The following PEX1 variants were observed in gnomAD, a reference collection of about 807,000 sequenced individuals.
PEX1 encodes peroxisomal biogenesis factor 1.
Under a neutral mutation model 152.5 loss-of-function variants are expected in PEX1, and 97 were observed. The observed-to-expected ratio is 0.64, with a 90% CI of 0.54 to 0.75. The LOEUF (loss-of-function observed/expected upper bound fraction) is 0.75, where lower values mean the gene tolerates loss of function less well. Ranked by LOEUF, PEX1 falls within the 30% of genes least tolerant of loss-of-function variation. The pLI is 0.00. For synonymous variants in PEX1, 485 were observed against 531.6 expected (o/e 0.91, Z 1.21); for missense variants, 1,357 against 1,516.3 (o/e 0.89, Z 1.74).
intron 3 of PEX1, 66 bp downstream of exon 3, chr7:92,518,929 T>C: frequency 8.9e-7 from 1 of 1,125,812 alleles, no homozygotes; most frequent in East Asian, 2.3e-5. Context: ...TAGAGAAAGC[T>C]AAAGACATTG....
chr7:92,509,642 T>G (rs1792361353), intron 8 of PEX1, among the ~76,000 whole-genome samples: 1 of 152,212 alleles, frequency 6.6e-6, no homozygotes, highest in Admixed American at 6.5e-5. Context: ...ATTTTACAGG[T>G]ATATTTTTAT....
At chr7:92,513,037 T>C (rs1562862288) in intron 6 of PEX1, among the ~76,000 whole-genome samples, 1 of 152,208 alleles carries the variant, frequency 6.6e-6, no homozygotes, top group Non-Finnish European at 1.5e-5. Flanking sequence ...GCTACAATAT[T>C]AATACTGAAA....
Position 92,487,516 on chromosome 7 carries a change from T to C in PEX1, c.3793A>G (p.Arg1265Gly), listed in dbSNP as rs959756490. The C allele has an allele frequency of 6.3e-7, 1 of 1,588,566 alleles. No homozygotes were observed. The highest frequency in any genetic ancestry group is 1.3e-5 in the African/African-American group (1 of 74,486). Residue 1265 changes from arginine to glycine, a missense_variant, in exon 24 of 24, where the codon AGG (arginine) becomes GGG (glycine). Transcript: ENST00000248633. ...ATTGTTCCACTTTGATTTTTTCTCC[T>C]CTTTGGATTTTGAAAGCTTTCATAT... is the stretch of plus-strand genomic sequence containing the variant. ...ELYESFQNPK[R>G]RKNQSGTMFR...
intron 23 of PEX1, among the ~76,000 whole-genome samples, chr7:92,488,202 G>C (rs1791042432): frequency 6.6e-6 from 1 of 152,186 alleles, no homozygotes; most frequent in African/African-American, 2.4e-5. Context: ...ATAGCAATAT[G>C]TACAGACTGT....
At position 92,518,005 on chromosome 7, in the gene PEX1, T is replaced by A; in HGVS notation, c.510A>T (p.Glu170Asp). 8 of 1,614,150 alleles carry A rather than the reference T, an allele frequency of 5.0e-6. No individual in the cohort carries two copies. Among genetic ancestry groups the A allele is most frequent in the Non-Finnish European group, 6.8e-6 (8 of 1,180,020 alleles). ...GCTGAATAAGGAGTTTGGTGTCAGT[T>A]TCCAGCCTTCCATAAGAGGCAGCTG... ...LIPAASYGRL[E>D]TDTKLLIQPK... Residue 170 changes from glutamate (E) to aspartate (D), a missense_variant, in exon 5 of 24, where the codon GAA becomes GAT. Transcript: ENST00000248633.
chr7:92,503,767 G>T (rs564986981), intron 12 of PEX1, among the ~76,000 whole-genome samples: 2 of 152,196 alleles, frequency 1.3e-5, no homozygotes, highest in Admixed American at 6.5e-5. Context: ...TGTAAGATTA[G>T]TAACACCAGT....
Position 92,487,561 on chromosome 7 carries a change from AT to A in PEX1, c.3768-21del. On this transcript the variant is annotated intron_variant, in intron 23 of 23. Transcript: ENST00000248633. Reference sequence around the variant, plus strand: ...TCATATCTGAAAAAAGAAAGAGATAATTTAATATGTATAAATACTACCATTA... The same window carrying A: ...TCATATCTGAAAAAAGAAAGAGATAATTAATATGTATAAATACTACCATTA... 6 of 1,179,496 alleles carry A rather than the reference AT, an allele frequency of 5.1e-6. No individual in the cohort carries two copies. The highest frequency in any genetic ancestry group is 7.6e-6 in the Non-Finnish European group (6 of 789,708). The allele number at this position is 1,179,496 out of a possible 1,614,324, so 73.1% of individuals were successfully genotyped here.
At chr7:92,513,530 A>C (rs1182636419) in intron 6 of PEX1, among the ~76,000 whole-genome samples, 1 of 152,144 alleles carries the variant, frequency 6.6e-6, no homozygotes, top group Non-Finnish European at 1.5e-5. Context: ...TATACATTAG[A>C]GATTACCAGG....
Position 92,489,786 on chromosome 7 carries a change from A to G in PEX1, c.3564T>C (p.Leu1188=). 1 of 1,614,098 alleles carries G rather than the reference A, an allele frequency of 6.2e-7. No homozygotes were observed. Among genetic ancestry groups the G allele is most frequent in the Non-Finnish European group, 8.5e-7 (1 of 1,179,988 alleles). The change falls in exon 22 of 24, where the codon CTT becomes CTC. Residue 1188 remains leucine, a synonymous_variant. Transcript: ENST00000248633. Reference sequence around the variant, plus strand: ...TCAGTTGATCTCTTTGTTCTTGTGTAAGTTCTTGGCAACCCTCTTGTGAAG... The same window carrying G: ...TCAGTTGATCTCTTTGTTCTTGTGTGAGTTCTTGGCAACCCTCTTGTGAAG... ...RTASQEGCQE[L]TQEQRDQLRA...
At chr7:92,489,534 C>T (rs1791155139) in intron 22 of PEX1, 111 bp from the exon 23 acceptor site, 1 of 1,084,960 alleles carries the variant, frequency 9.2e-7, no homozygotes, top group Non-Finnish European at 1.4e-6. Flanking sequence ...CATACGTTCT[C>T]TTCCTTATAA....
Position 92,491,423 on chromosome 7 carries a change from G to C in PEX1, c.3287C>G (p.Ser1096Ter), listed in dbSNP as rs1042891094. 2 of 1,613,586 alleles carry C rather than the reference G, an allele frequency of 1.2e-6. No homozygotes were observed. The highest frequency in any genetic ancestry group is 2.7e-5 in the African/African-American group (2 of 74,892). ...FLNHSSGSDDSAGDGECGLDQ... is the reference protein window; with the variant it reads ...FLNHSSGSDD The stretch of plus-strand genomic sequence containing the variant: ...TAAGCCACATTCTCCATCTCCAGCT[G>C]AATCGTCAGAGCCACTGCTATGGTT... The change falls in exon 21 of 24, where the codon TCA becomes TGA. Residue 1096 changes from serine (S) to a stop codon, truncating the protein, a stop_gained. Transcript: ENST00000248633. LOFTEE classifies it high-confidence loss of function.
intron 2 of PEX1, 99 bp downstream of exon 2, chr7:92,522,003 A>G (rs1055342584): frequency 2.5e-6 from 3 of 1,206,538 alleles, no homozygotes; most frequent in Admixed American, 1.7e-5. Flanking sequence ...ATTAGGTGAC[A>G]TCTCACCTCC....
chr7:92,488,761 G>A (rs1051141620), intron 23 of PEX1, among the ~76,000 whole-genome samples: 10 of 139,804 alleles, frequency 7.2e-5, no homozygotes, highest in East Asian at 6.2e-4. Context: ...ACACAGTCTC[G>A]CTCTGTGGCC....
intron 17 of PEX1, among the ~76,000 whole-genome samples, chr7:92,494,877 T>G (rs987183591): frequency 2.0e-5 from 3 of 151,744 alleles, no homozygotes; most frequent in African/African-American, 7.2e-5. Flanking sequence ...AGGCAAGGCA[T>G]ATGAAATTAC....
intron 6 of PEX1, 132 bp downstream of exon 6, chr7:92,513,716 A>G (rs1792588681): frequency 4.5e-6 from 3 of 663,054 alleles, no homozygotes; most frequent in Non-Finnish European, 2.6e-6. Context: ...TTTATGTTAT[A>G]TATAGTTTAA....
chr7:92,516,056 A>AG (rs1792746949), intron 5 of PEX1, among the ~76,000 whole-genome samples: 1 of 40,660 alleles, frequency 2.5e-5, no homozygotes, highest in Non-Finnish European at 4.9e-5. Context: ...GAGAAGAGAA[A>AG]AAAGAAAAGA....
chr7:92,511,459 A>T, intron 7 of PEX1, 121 bp downstream of exon 7: 1 of 822,112 alleles, frequency 1.2e-6, no homozygotes, highest in Non-Finnish European at 1.9e-6. Flanking sequence ...ACTACTGTTT[A>T]ATTATCATAA....
intron 5 of PEX1, among the ~76,000 whole-genome samples, chr7:92,516,075 G>GAGAA (rs1792760329): frequency 2.1e-5 from 3 of 141,052 alleles, no homozygotes; most frequent in East Asian, 2.1e-4. Flanking sequence ...GAAAAGAAAA[G>GAGAA]AAAAGAAAAG....
chr7:92,527,786 T>G (rs1469321837), intron 1 of PEX1, among the ~76,000 whole-genome samples: 1 of 152,234 alleles, frequency 6.6e-6, no homozygotes, highest in Non-Finnish European at 1.5e-5. Flanking sequence ...CGTTATGTGT[T>G]CCTAACACAC....
Sources: gnomAD v4.1 joint callset for allele counts (sites outside exome capture counted in the v4.1 genomes callset) on GRCh38, gnomAD v4.1.1 for gene constraint, MANE v1.5 for transcripts, NCBI Gene and HGNC (gene_info 2026-07-23, HGNC 2026-07-21) for gene names.